The following TAF3 variants were observed in gnomAD, a reference collection of about 807,000 sequenced individuals.
The protein encoded by TAF3 is transcription initiation factor TFIID subunit 3.
Under a neutral mutation model 80.6 loss-of-function variants are expected in TAF3, and 7 were observed. That is an observed-to-expected ratio of 0.09 (90% CI 0.05 to 0.16). The LOEUF (loss-of-function observed/expected upper bound fraction) is 0.16. Among genes scored for constraint, TAF3 ranks in the 10% least tolerant of loss-of-function variants. The pLI is 1.00. For missense variants in TAF3, 921 were observed against 1,140.2 expected, an observed-to-expected ratio of 0.81 and a Z score of 2.77; for synonymous variants, 444 against 446.1, an observed-to-expected ratio of 1.00 and a Z score of 0.06.
intron 2 of TAF3, among the ~76,000 whole-genome samples, chr10:7,927,597 C>T (rs1049843207): frequency 6.6e-6 from 1 of 152,148 alleles, no homozygotes; most frequent in African/African-American, 2.4e-5. Flanking sequence ...AACTAATCTA[C>T]AAAAATGATT....
intron 2 of TAF3, among the ~76,000 whole-genome samples, chr10:7,952,533 T>C (rs1838091732): frequency 1.3e-5 from 2 of 152,244 alleles, no homozygotes; most frequent in African/African-American, 2.4e-5. Flanking sequence ...ATCTTAGTCT[T>C]GCTGCAGTTA....
chr10:7,844,695 C>G (rs1025797960), intron 2 of TAF3, among the ~76,000 whole-genome samples: 2 of 152,228 alleles, frequency 1.3e-5, no homozygotes, highest in Admixed American at 1.3e-4. Flanking sequence ...TCTTTTTAGT[C>G]TATGCCTGTC....
At chr10:7,931,125 C>G (rs1837866073) in intron 2 of TAF3, among the ~76,000 whole-genome samples, 1 of 152,118 alleles carries the variant, frequency 6.6e-6, no homozygotes, top group African/African-American at 2.4e-5. Flanking sequence ...AGATATTATA[C>G]TTGATTAATC....
At chr10:7,895,480 A>G (rs1003741700) in intron 2 of TAF3, among the ~76,000 whole-genome samples, 4 of 152,204 alleles carry the variant, frequency 2.6e-5, no homozygotes, top group Non-Finnish European at 5.9e-5. Flanking sequence ...AATGCATCAC[A>G]CTTTCTTACT....
chr10:7,856,813 G>A (rs989450495), intron 2 of TAF3, among the ~76,000 whole-genome samples: 2 of 147,238 alleles, frequency 1.4e-5, no homozygotes, highest in African/African-American at 2.5e-5. Flanking sequence ...ACTTAAAGAC[G>A]GTCCCACTCA....
intron 2 of TAF3, among the ~76,000 whole-genome samples, chr10:7,873,846 T>A (rs1464017276): frequency 6.6e-6 from 1 of 152,248 alleles, no homozygotes; most frequent in African/African-American, 2.4e-5. Flanking sequence ...TCTCATTTCT[T>A]ATTACCAAAG....
chr10:7,926,563 T>G (rs1837816851), intron 2 of TAF3, among the ~76,000 whole-genome samples: 2 of 152,254 alleles, frequency 1.3e-5, no homozygotes, highest in Non-Finnish European at 2.9e-5. Context: ...CAATTGTTGC[T>G]GCTTCTTCCA....
chr10:7,990,493 C>T (rs1831823661), intron 4 of TAF3, among the ~76,000 whole-genome samples: 1 of 152,174 alleles, frequency 6.6e-6, no homozygotes, highest in Admixed American at 6.5e-5. Flanking sequence ...ATGACCGCTA[C>T]ATCTTTTTTC....
intron 2 of TAF3, among the ~76,000 whole-genome samples, chr10:7,878,460 G>A (rs764442685): frequency 1.3e-5 from 2 of 152,110 alleles, no homozygotes; most frequent in East Asian, 1.9e-4. Flanking sequence ...GAGGGGTGAC[G>A]GGAGGAGTAA....
intron 2 of TAF3, among the ~76,000 whole-genome samples, chr10:7,941,813 G>A (rs71481748): frequency 8.5e-5 from 13 of 152,192 alleles, no homozygotes; most frequent in Non-Finnish European, 1.6e-4. Flanking sequence ...TGGTCTTAGA[G>A]AGCCTGGAGC....
rs1029625851 is a variant in TAF3 at position 8,005,850 on chromosome 10, A to T, written c.2316-3228A>T. 5.3e-5 allele frequency among the ~76,000 whole-genome samples: 8 copies of T among 152,340 alleles called. 1 individual carries two copies. In the East Asian group the frequency reaches 1.2e-3, roughly 22 times the overall value. ...TTTTATGTAAGGCAAACCTCAGTAC[A>T]CATTGAGAGACAGTGTCATATACTT... is the stretch of plus-strand genomic sequence containing the variant. On this transcript the variant is annotated intron_variant, in intron 4 of 6. Coordinates refer to ENST00000344293, the MANE Select transcript of TAF3 (RefSeq NM_031923.4).
intron 2 of TAF3, among the ~76,000 whole-genome samples, chr10:7,864,822 CTT>C (rs35873776): frequency 0.017 from 2,488 of 150,022 alleles, 69 homozygotes; most frequent in African/African-American, 0.058. Flanking sequence ...TATAGTTTAT[CTT>C]TTTTTTTTTC....
At chr10:7,852,117 C>T (rs1347763555) in intron 2 of TAF3, among the ~76,000 whole-genome samples, 1 of 152,076 alleles carries the variant, frequency 6.6e-6, no homozygotes, top group Non-Finnish European at 1.5e-5. Flanking sequence ...CGGGGTCTCA[C>T]TTTGTTGCCC....
chr10:7,844,728 T>C (rs1836952438), intron 2 of TAF3, among the ~76,000 whole-genome samples: 1 of 152,182 alleles, frequency 6.6e-6, no homozygotes, highest in African/African-American at 2.4e-5. Flanking sequence ...GAACATAATA[T>C]TTAGCTAGCT....
rs553073887 is a variant in TAF3 at position 7,892,053 on chromosome 10, AC to A, written c.409+67496del. 1.3e-3 allele frequency among the ~76,000 whole-genome samples: 200 copies of A among 152,288 alleles called. 1 individual carries two copies. Among genetic ancestry groups the A allele is most frequent in the African/African-American group, 4.7e-3 (196 of 41,562 alleles). ...CTTCTTTTAAAAATTTAATTTCAAA[AC>A]CCAGATGTTTAATTATTCATTTATT... On this transcript the variant is annotated intron_variant, in intron 2 of 6. Coordinates refer to ENST00000344293, the MANE Select transcript of TAF3 (RefSeq NM_031923.4).
At chr10:7,944,388 G>A (rs1838005160) in intron 2 of TAF3, among the ~76,000 whole-genome samples, 1 of 152,068 alleles carries the variant, frequency 6.6e-6, no homozygotes, top group African/African-American at 2.4e-5. Flanking sequence ...TTTCTAGTTA[G>A]TCAGTAAGAC....
intron 2 of TAF3, among the ~76,000 whole-genome samples, chr10:7,907,325 G>T (rs1239681771): frequency 6.6e-6 from 1 of 152,106 alleles, no homozygotes; most frequent in East Asian, 1.9e-4. Context: ...ATCCAGCATT[G>T]CCCAAAGTGT....
intron 2 of TAF3, among the ~76,000 whole-genome samples, chr10:7,899,608 C>T (rs1459723002): frequency 6.6e-6 from 1 of 152,130 alleles, no homozygotes; most frequent in African/African-American, 2.4e-5. Flanking sequence ...ACAGTCTGTG[C>T]TCAGGAAGCT....
rs1265032679 is a variant in TAF3, at chr10:8,009,210, G to T, written c.2448G>T (p.Pro816=). The stretch of plus-strand genomic sequence containing the variant: ...TCAGCCCTGCGCCCGTGCCGCTGCC[G>T]CTGCTCGCCCAGGCCGCCGCGGGCC... ...MLVSPAPVPL[P]LLAQAAAGPA... Residue 816 remains proline (P), a synonymous_variant, in exon 5 of 7, where the codon CCG becomes CCT. Coordinates refer to ENST00000344293, the MANE Select transcript of TAF3 (RefSeq NM_031923.4). The surrounding 1 kb of genome is among the most constrained non-coding windows in gnomAD (Gnocchi z 4.1). 2 of 1,448,700 alleles carry T rather than the reference G, an allele frequency of 1.4e-6. No individual in the cohort carries two copies. The highest frequency in any genetic ancestry group is 6.3e-5 in the East Asian group (2 of 31,952). 89.7% of individuals were successfully genotyped at this position (1,448,700 alleles called of 1,614,324 possible). A position where few individuals can be genotyped will look rare whatever the true frequency, so the allele number is the denominator to read the frequency against.
Sources: allele counts gnomAD v4.1 joint callset (sites outside exome capture counted in the v4.1 genomes callset), GRCh38; gene constraint gnomAD v4.1.1; non-coding constraint Gnocchi (gnomAD v3.1); transcripts MANE v1.5; gene names NCBI Gene and HGNC (gene_info 2026-07-23, HGNC 2026-07-21).